The following SORCS2 variants were observed in gnomAD, a reference collection of about 807,000 sequenced individuals.
The protein encoded by SORCS2 is VPS10 domain-containing receptor SorCS2.
A neutral mutation model predicts 141.6 loss-of-function variants in SORCS2; 100 were observed. That is an observed-to-expected ratio of 0.71 (90% CI 0.60 to 0.83). SORCS2 has a LOEUF of 0.83. SORCS2 is among the 40% of genes least tolerant of loss of function. SORCS2 has a pLI of 0.00. For missense variants in SORCS2, 1,646 were observed against 1,560.2 expected (o/e 1.05, Z -0.93); for synonymous variants, 789 against 676.9 (o/e 1.17, Z -2.57).
chr4:7,200,959 C>G (rs1727452501), intron 1 of SORCS2, among the ~76,000 whole-genome samples: 1 of 152,218 alleles, frequency 6.6e-6, no homozygotes, highest in Admixed American at 6.5e-5. Context: ...GGCCTCAGCT[C>G]TTTACCGAGC....
chr4:7,335,029 C>G (rs1472685056), intron 1 of SORCS2, among the ~76,000 whole-genome samples: 1 of 152,084 alleles, frequency 6.6e-6, no homozygotes, highest in Non-Finnish European at 1.5e-5. Context: ...GGGCTTTGAA[C>G]CTGATCTCAG....
chr4:7,706,298 T>G (rs200165711), intron 14 of SORCS2, among the ~76,000 whole-genome samples: 1 of 22,694 alleles, frequency 4.4e-5, no homozygotes, highest in Admixed American at 5.5e-4. Context: ...CTGGGCTCCG[T>G]CTGGGCAGGG....
At chr4:7,308,497 C>T (rs1717978129) in intron 1 of SORCS2, among the ~76,000 whole-genome samples, 1 of 152,164 alleles carries the variant, frequency 6.6e-6, no homozygotes, top group Admixed American at 6.5e-5. Context: ...AAACCCATCC[C>T]CTTCCTGGGT....
intron 2 of SORCS2, chr4:7,433,659 G>A (rs1727052717): frequency 1.2e-6 from 2 of 1,609,614 alleles, no homozygotes; most frequent in South Asian, 2.2e-5. Context: ...CCAAGTTGTG[G>A]GAGGACACCG....
intron 3 of SORCS2, among the ~76,000 whole-genome samples, chr4:7,605,968 C>G (rs531695416): frequency 2.6e-5 from 4 of 152,316 alleles, no homozygotes; most frequent in African/African-American, 9.6e-5. Context: ...GTTACAGATG[C>G]TGAAAGGATG....
chr4:7,423,827 A>C (rs769283000), intron 2 of SORCS2, among the ~76,000 whole-genome samples: 4 of 152,162 alleles, frequency 2.6e-5, no homozygotes, highest in Non-Finnish European at 4.4e-5. Context: ...ACAAACAAAC[A>C]AACCCAGCAA....
intron 2 of SORCS2, among the ~76,000 whole-genome samples, chr4:7,408,138 G>A (rs1033747707): frequency 1.3e-5 from 2 of 152,056 alleles, no homozygotes; most frequent in Non-Finnish European, 2.9e-5. Flanking sequence ...AGTATTCTGG[G>A]TTTGTCCATG....
At chr4:7,725,588 G>C (rs960767433) in intron 20 of SORCS2, among the ~76,000 whole-genome samples, 36 of 152,320 alleles carry the variant, frequency 2.4e-4, no homozygotes, top group African/African-American at 6.3e-4. Context: ...GCAGGTAGGT[G>C]GGCTGCATGA....
intron 25 of SORCS2, among the ~76,000 whole-genome samples, chr4:7,736,855 CA>C (rs1325589203): frequency 6.6e-6 from 1 of 152,144 alleles, no homozygotes; most frequent in Non-Finnish European, 1.5e-5. Flanking sequence ...ATCCCAGGGC[CA>C]AGGGAGCATG....
intron 1 of SORCS2, among the ~76,000 whole-genome samples, chr4:7,226,750 C>T (rs1421626220): frequency 3.3e-5 from 5 of 152,084 alleles, no homozygotes; most frequent in Non-Finnish European, 7.3e-5. Context: ...AGCTCATGGG[C>T]AGACCCTGCT....
chr4:7,316,513 A>AAG (rs1274223052), intron 1 of SORCS2, among the ~76,000 whole-genome samples: 1 of 152,230 alleles, frequency 6.6e-6, no homozygotes, highest in Non-Finnish European at 1.5e-5. Flanking sequence ...TGTGCTCTGC[A>AAG]AGAGTTGGCT....
intron 2 of SORCS2, among the ~76,000 whole-genome samples, chr4:7,466,816 G>A (rs1352169337): frequency 6.6e-6 from 1 of 152,186 alleles, no homozygotes; most frequent in East Asian, 1.9e-4. Context: ...GTGCTGGGAG[G>A]CATAGGCACT....
intron 1 of SORCS2, among the ~76,000 whole-genome samples, chr4:7,374,480 C>T (rs1040627071): frequency 1.3e-5 from 2 of 152,190 alleles, no homozygotes; most frequent in East Asian, 3.8e-4. Context: ...GCATTGGCAG[C>T]AGCCCTGGGA....
At chr4:7,244,435 A>G (rs1577316170) in intron 1 of SORCS2, among the ~76,000 whole-genome samples, 1 of 152,344 alleles carries the variant, frequency 6.6e-6, no homozygotes. Flanking sequence ...ACGGCGTTCC[A>G]TCTTCGCCAC....
At position 7,664,083 on chromosome 4, in the gene SORCS2, T is replaced by A. The variant is rs963023578; in HGVS notation, c.953-270T>A. Among the ~76,000 whole-genome samples the A allele has an allele frequency of 4.6e-5, 7 of 152,134 alleles. No homozygotes were observed. Among genetic ancestry groups the A allele is most frequent in the African/African-American group, 1.7e-4 (7 of 41,420 alleles). On this transcript the variant is annotated intron_variant, in intron 6 of 26. Coordinates refer to ENST00000507866, the MANE Select transcript of SORCS2 (RefSeq NM_020777.3). The surrounding 1 kb of genome is among the most constrained non-coding windows in gnomAD (Gnocchi z 4.7). Reference sequence around the variant, plus strand: ...GTGGCGAGGTACCCACCGTCGCCTGTGCTGACCCCTCCTGCAGGGGATGGC... The same window carrying A: ...GTGGCGAGGTACCCACCGTCGCCTGAGCTGACCCCTCCTGCAGGGGATGGC...
At chr4:7,455,872 G>C (rs182215309) in intron 2 of SORCS2, among the ~76,000 whole-genome samples, 2 of 152,324 alleles carry the variant, frequency 1.3e-5, no homozygotes, top group East Asian at 1.9e-4. Flanking sequence ...GTCACATGCT[G>C]TGCTGGTATC....
chr4:7,595,986 C>T lies in SORCS2; in HGVS notation c.649-42342C>T, dbSNP rs112349901. Among the ~76,000 whole-genome samples the T allele has an allele frequency of 4.5e-4, 68 of 152,280 alleles. 1 individual carries two copies. The highest frequency in any genetic ancestry group is 1.4e-3 in the African/African-American group (58 of 41,554). On this transcript the variant is annotated intron_variant, in intron 3 of 26. Coordinates refer to ENST00000507866, the MANE Select transcript of SORCS2 (RefSeq NM_020777.3). ...CTGCTCTTTCCCTTTCCCCAGCCTGCATTCCTGCCACGGCAACCCGCGGTT... is the reference window on the plus strand; with the variant it reads ...CTGCTCTTTCCCTTTCCCCAGCCTGTATTCCTGCCACGGCAACCCGCGGTT...
chr4:7,357,581 C>T (rs1044982397), intron 1 of SORCS2, among the ~76,000 whole-genome samples: 1 of 152,194 alleles, frequency 6.6e-6, no homozygotes, highest in Admixed American at 6.5e-5. Context: ...GATAATTCTG[C>T]CCTTTCAAGG....
intron 8 of SORCS2, among the ~76,000 whole-genome samples, chr4:7,672,554 C>T (rs976545348): frequency 6.6e-6 from 1 of 152,334 alleles, no homozygotes; most frequent in East Asian, 1.9e-4. Flanking sequence ...AAGAATACAT[C>T]TATTTACCTT....
Sources: gnomAD v4.1 joint callset for allele counts (sites outside exome capture counted in the v4.1 genomes callset) on GRCh38, gnomAD v4.1.1 for gene constraint, Gnocchi (gnomAD v3.1) non-coding constraint, MANE v1.5 for transcripts, NCBI Gene and HGNC (gene_info 2026-07-23, HGNC 2026-07-21) for gene names.